Variants in PEX3 observed in about 807,000 individuals in gnomAD.
PEX3 encodes peroxisomal biogenesis factor 3, also known as peroxin-3.
A neutral mutation model predicts 55.8 loss-of-function variants in PEX3; 30 were observed. The observed-to-expected ratio is 0.54, with a 90% CI of 0.40 to 0.73. The LOEUF (loss-of-function observed/expected upper bound fraction) is 0.73, where lower values mean the gene tolerates loss of function less well. Ranked by LOEUF, PEX3 falls within the 30% of genes least tolerant of loss-of-function variation. The pLI, the probability that PEX3 is intolerant of heterozygous loss-of-function variation, is 0.00. For synonymous variants in PEX3, 135 were observed against 148.4 expected (o/e 0.91, Z 0.66); for missense variants, 351 against 432.8 (o/e 0.81, Z 1.68).
intron 9 of PEX3, among the ~76,000 whole-genome samples, chr6:143,478,694 T>C (rs1335858403): frequency 6.6e-6 from 1 of 152,104 alleles, no homozygotes; most frequent in African/African-American, 2.4e-5. Context: ...TCAAGTATCA[T>C]TTCCTCATCT....
intron 1 of PEX3, among the ~76,000 whole-genome samples, chr6:143,452,795 A>G (rs981664804): frequency 6.6e-6 from 1 of 152,204 alleles, no homozygotes; most frequent in Non-Finnish European, 1.5e-5. Flanking sequence ...GTTAGATTTT[A>G]ATTAGTCTAA....
At chr6:143,467,073 A>T (rs2128746219) in intron 3 of PEX3, among the ~76,000 whole-genome samples, 1 of 152,196 alleles carries the variant, frequency 6.6e-6, no homozygotes, top group East Asian at 1.9e-4. Flanking sequence ...TGAAACAGAA[A>T]TTTCATGTAT....
chr6:143,479,916 G>A lies in PEX3; in HGVS notation c.941+718G>A, dbSNP rs1349716988. Among the ~76,000 whole-genome samples the A allele has an allele frequency of 3.9e-5, 6 of 151,936 alleles. No individual in the cohort carries two copies. The highest frequency in any genetic ancestry group is 3.9e-4 in the Admixed American group (6 of 15,258). ...GGTACTAAATTAATGTTGACTGACT[G>A]TAAACTCATTCATTAAAATTTGAGA... On this transcript the variant is annotated intron_variant, in intron 10 of 11. Coordinates refer to ENST00000367591, the MANE Select transcript of PEX3 (RefSeq NM_003630.3). The surrounding 1 kb of genome is among the most constrained non-coding windows in gnomAD (Gnocchi z 4.6).
Position 143,463,571 on chromosome 6 carries a change from G to T in PEX3, c.287+574G>T, listed in dbSNP as rs1288019160. On this transcript the variant is annotated intron_variant, in intron 3 of 11. Transcript: ENST00000367591. The surrounding 1 kb of genome is among the most constrained non-coding windows in gnomAD (Gnocchi z 5.7). ...AGCATGTGTTGGGGTATTGTAATTT[G>T]GTATGATACTGTATTAGTTTGAGAA... 6.6e-6 allele frequency among the ~76,000 whole-genome samples: 1 copy of T among 152,000 alleles called. No homozygotes were observed. The highest frequency in any genetic ancestry group is 2.4e-5 in the African/African-American group (1 of 41,386).
chr6:143,468,049 A>T, intron 3 of PEX3, 73 bp from the exon 4 acceptor site: 1 of 816,336 alleles, frequency 1.2e-6, no homozygotes. Context: ...GTAAAAATAG[A>T]TCTATAAAAT....
chr6:143,457,890 C>G (rs1294792456), intron 1 of PEX3, among the ~76,000 whole-genome samples: 1 of 152,220 alleles, frequency 6.6e-6, no homozygotes, highest in Non-Finnish European at 1.5e-5. Flanking sequence ...GGTTGGCTAC[C>G]TGGTTAACTC....
rs570102589 is a variant in PEX3, at chr6:143,488,858, A to G, written c.1039-285A>G. On this transcript the variant is annotated intron_variant, in intron 11 of 11. Coordinates refer to ENST00000367591, the MANE Select transcript of PEX3 (RefSeq NM_003630.3). This position sits in a 1 kb window ranked among gnomAD's most constrained non-coding sequence, Gnocchi z 4.9. ...ACAATTATTTATTCAACAGATACCTATCTAGCACTTGACATACACCAAAAT... is the reference window on the plus strand; with the variant it reads ...ACAATTATTTATTCAACAGATACCTGTCTAGCACTTGACATACACCAAAAT... Among the ~76,000 whole-genome samples, 19 of 152,244 alleles carry G rather than the reference A, an allele frequency of 1.2e-4. No homozygotes were observed. The highest frequency in any genetic ancestry group is 1.9e-4 in the Non-Finnish European group (13 of 67,958).
rs1024673248 is a variant in PEX3 at position 143,463,263 on chromosome 6, A to G, written c.287+266A>G. 3.9e-5 allele frequency among the ~76,000 whole-genome samples: 6 copies of G among 152,222 alleles called. No homozygotes were observed. The highest frequency in any genetic ancestry group is 1.4e-4 in the African/African-American group (6 of 41,460). On this transcript the variant is annotated intron_variant, in intron 3 of 11. Coordinates refer to ENST00000367591, the MANE Select transcript of PEX3 (RefSeq NM_003630.3). The surrounding 1 kb of genome is among the most constrained non-coding windows in gnomAD (Gnocchi z 5.7). ...TTATAGCACTTTGAAATTGTTCACA[A>G]ATTTAATTATGCAGTGCTTGTGAAA...
At chr6:143,461,873 A>T (rs923076436) in intron 2 of PEX3, among the ~76,000 whole-genome samples, 11 of 152,314 alleles carry the variant, frequency 7.2e-5, no homozygotes, top group Admixed American at 6.5e-4. Context: ...GCTTGAGCCC[A>T]GGAGGTCAAG....
chr6:143,479,195 A>C lies in PEX3; in HGVS notation c.938A>C (p.Asn313Thr). 6.2e-7 allele frequency: 1 copy of C among 1,602,058 alleles called. No homozygotes were observed. Among genetic ancestry groups the C allele is most frequent in the Non-Finnish European group, 8.6e-7 (1 of 1,169,302 alleles). ...EQDLQHGNSM[N>T]SLSSVSLPLA... ...GACCTGCAACATGGTAACTCTATGAATAGGTAAGATGACATATAAAAATGT... is the reference window on the plus strand; with the variant it reads ...GACCTGCAACATGGTAACTCTATGACTAGGTAAGATGACATATAAAAATGT... Residue 313 changes from asparagine to threonine, a missense_variant, in exon 10 of 12, where the codon AAT becomes ACT. Coordinates refer to ENST00000367591, the MANE Select transcript of PEX3 (RefSeq NM_003630.3). The surrounding 1 kb of genome is among the most constrained non-coding windows in gnomAD (Gnocchi z 4.6).
Position 143,451,935 on chromosome 6 carries a change from A to C in PEX3, c.73+820A>C, listed in dbSNP as rs540163134. On this transcript the variant is annotated intron_variant, in intron 1 of 11. Coordinates refer to ENST00000367591, the MANE Select transcript of PEX3 (RefSeq NM_003630.3). This position sits in a 1 kb window ranked among gnomAD's most constrained non-coding sequence, Gnocchi z 4.1. ...GACATCTAGGAACTATAAAAGAGGA[A>C]ATTTGTTAGAACTTGAGTTTTTGAG... Among the ~76,000 whole-genome samples the C allele has an allele frequency of 2.6e-5, 4 of 152,338 alleles. No homozygotes were observed. In the East Asian group the frequency reaches 7.7e-4, roughly 29 times the overall value.
At chr6:143,474,984 C>T (rs940980145) in intron 9 of PEX3, 128 bp downstream of exon 9, 6 of 556,504 alleles carry the variant, frequency 1.1e-5, no homozygotes, top group African/African-American at 7.7e-5. Flanking sequence ...TGACTCTGTT[C>T]CCCAGCCTTT....
At chr6:143,455,417 A>T (rs899894590) in intron 1 of PEX3, among the ~76,000 whole-genome samples, 1 of 121,534 alleles carries the variant, frequency 8.2e-6, no homozygotes, top group Non-Finnish European at 1.6e-5. Context: ...GGGTTTCACC[A>T]TGTTAGCTAG....
intron 10 of PEX3, among the ~76,000 whole-genome samples, chr6:143,484,581 G>A (rs1243462930): frequency 1.3e-5 from 2 of 151,998 alleles, no homozygotes; most frequent in East Asian, 3.9e-4. Context: ...GAGAAATGCA[G>A]ATTTAACCTG....
rs1223813232 is a variant in PEX3, at chr6:143,462,371, C to A, written c.206-545C>A. 6.6e-6 allele frequency among the ~76,000 whole-genome samples: 1 copy of A among 152,064 alleles called. No homozygotes were observed. Among genetic ancestry groups the A allele is most frequent in the Non-Finnish European group, 1.5e-5 (1 of 68,002 alleles). Reference sequence around the variant, plus strand: ...AACAGTAACAAATAATACCCACTGACAAAACTAAAACTCAGCAACTCTTAG... The same window carrying A: ...AACAGTAACAAATAATACCCACTGAAAAAACTAAAACTCAGCAACTCTTAG... On this transcript the variant is annotated intron_variant, in intron 2 of 11. Coordinates refer to ENST00000367591, the MANE Select transcript of PEX3 (RefSeq NM_003630.3). The surrounding 1 kb of genome is among the most constrained non-coding windows in gnomAD (Gnocchi z 4.1).
In PEX3 at chr6:143,462,894, AT is replaced by A. The variant is rs397705490; in HGVS notation, c.206-14del. 1,015,723 of 1,585,704 alleles carry A rather than the reference AT, an allele frequency of 0.64. 328,949 individuals are homozygous for A. Among genetic ancestry groups the A allele is most frequent in the African/African-American group, 0.78 (58,220 of 74,252 alleles). ...AGTCATATCACTTGTGACCTTTTTT[AT>A]TTTTTTTGTTTGTATTACAGTGCTG... On this transcript the variant is annotated intron_variant, in intron 2 of 11. Transcript: ENST00000367591. The surrounding 1 kb of genome is among the most constrained non-coding windows in gnomAD (Gnocchi z 4.1).
chr6:143,482,627 T>C lies in PEX3; in HGVS notation c.942-2525T>C, dbSNP rs916392435. ...TGCTTTTCCTATATAATATATAATA[T>C]AAGGTATAATTATTGTTACTCATAA... On this transcript the variant is annotated intron_variant, in intron 10 of 11. Transcript: ENST00000367591. This position sits in a 1 kb window ranked among gnomAD's most constrained non-coding sequence, Gnocchi z 5.5. Among the ~76,000 whole-genome samples, 1 of 151,806 alleles carries C rather than the reference T, an allele frequency of 6.6e-6. No individual in the cohort carries two copies. The highest frequency in any genetic ancestry group is 6.6e-5 in the Admixed American group (1 of 15,242).
In PEX3 at chr6:143,452,441, T is replaced by C. The variant is rs1030271580; in HGVS notation, c.73+1326T>C. 5.3e-5 allele frequency among the ~76,000 whole-genome samples: 8 copies of C among 152,202 alleles called. No individual in the cohort carries two copies. In the East Asian group the frequency reaches 1.2e-3, roughly 22 times the overall value. On this transcript the variant is annotated intron_variant, in intron 1 of 11. Coordinates refer to ENST00000367591, the MANE Select transcript of PEX3 (RefSeq NM_003630.3). ...TTGAAGAAATACAAATAAAGTATTT[T>C]TGCGTTTACTGAAGGAAGGAAAATT... is the stretch of plus-strand genomic sequence containing the variant.
At position 143,483,640 on chromosome 6, in the gene PEX3, G is replaced by A. The variant is rs557035852; in HGVS notation, c.942-1512G>A. Among the ~76,000 whole-genome samples the A allele has an allele frequency of 1.3e-5, 2 of 152,268 alleles. No homozygotes were observed. The highest frequency in any genetic ancestry group is 1.3e-4 in the Admixed American group (2 of 15,270). On this transcript the variant is annotated intron_variant, in intron 10 of 11. Coordinates refer to ENST00000367591, the MANE Select transcript of PEX3 (RefSeq NM_003630.3). This position sits in a 1 kb window ranked among gnomAD's most constrained non-coding sequence, Gnocchi z 4.3. The stretch of plus-strand genomic sequence containing the variant: ...CACTGGAAGGCTGCTGGAGAGTTTT[G>A]AGCAGGAGAGTGATGTAATGGAATT...
Sources: gnomAD v4.1 joint callset for allele counts (sites outside exome capture counted in the v4.1 genomes callset) on GRCh38, gnomAD v4.1.1 for gene constraint, Gnocchi (gnomAD v3.1) non-coding constraint, MANE v1.5 for transcripts, NCBI Gene and HGNC (gene_info 2026-07-23, HGNC 2026-07-21) for gene names.